SPAG16: variants seen among roughly 807,000 people sequenced by gnomAD.
The protein encoded by SPAG16 is sperm associated antigen 16, also known as sperm-associated antigen 16 protein.
In SPAG16, 86 loss-of-function variants were observed where a neutral mutation model predicts 80.4. The observed-to-expected ratio is 1.07, with a 90% confidence interval of 0.90 to 1.28. The LOEUF (loss-of-function observed/expected upper bound fraction) is 1.28, where lower values mean the gene tolerates loss of function less well. SPAG16 is among the 50% of genes most tolerant of loss of function. The probability of loss-of-function intolerance (pLI) is 0.00; values close to 1 mark genes in which losing one functional copy is unlikely to be tolerated. For synonymous variants in SPAG16, 294 were observed against 265.9 expected (o/e 1.11, Z -1.03); for missense variants, 870 against 765.3 (o/e 1.14, Z -1.61).
intron 9 of SPAG16, among the ~76,000 whole-genome samples, chr2:213,485,124 A>G (rs2073924075): frequency 6.6e-6 from 1 of 151,208 alleles, no homozygotes. Flanking sequence ...CCCCCCAAGT[A>G]GCTGGGAGTA....
In SPAG16 at chr2:214,129,840, T is replaced by A. The variant is rs190803333; in HGVS notation, c.1594-19300T>A. The stretch of plus-strand genomic sequence containing the variant: ...AAACTATAGACTATGAATGCATGAC[T>A]TATAAGGCTTTTTAGAGAAGCAAGG... On this transcript the variant is annotated intron_variant, in intron 14 of 15. Coordinates refer to ENST00000331683, the MANE Select transcript of SPAG16 (RefSeq NM_024532.5). Among the ~76,000 whole-genome samples the A allele has an allele frequency of 4.3e-4, 66 of 152,278 alleles. 2 individuals are homozygous for A. Among genetic ancestry groups the A allele is most frequent in the Admixed American group, 4.1e-3 (62 of 15,290 alleles).
chr2:214,384,549 C>A (rs1361639384), intron 15 of SPAG16, among the ~76,000 whole-genome samples: 2 of 152,172 alleles, frequency 1.3e-5, no homozygotes, highest in Non-Finnish European at 2.9e-5. Context: ...AGTATCTCTG[C>A]TTTCTTCCTC....
intron 12 of SPAG16, among the ~76,000 whole-genome samples, chr2:213,930,580 TG>T (rs2078706127): frequency 6.6e-6 from 1 of 152,206 alleles, no homozygotes; most frequent in South Asian, 2.1e-4. Flanking sequence ...TGTTATGTCG[TG>T]ATATTCTTGA....
intron 10 of SPAG16, among the ~76,000 whole-genome samples, chr2:213,838,523 T>C (rs1455617930): frequency 6.6e-6 from 1 of 152,214 alleles, no homozygotes; most frequent in African/African-American, 2.4e-5. Context: ...AATTGTAGCC[T>C]ATACCTCATT....
chr2:214,023,774 T>G (rs2048003079), intron 13 of SPAG16, among the ~76,000 whole-genome samples: 2 of 151,706 alleles, frequency 1.3e-5, no homozygotes, highest in African/African-American at 4.8e-5. Context: ...CATTCCTTTC[T>G]TCTTTTCCTT....
At chr2:214,062,226 C>A (rs941019040) in intron 13 of SPAG16, among the ~76,000 whole-genome samples, 1 of 151,820 alleles carries the variant, frequency 6.6e-6, no homozygotes, top group Non-Finnish European at 1.5e-5. Flanking sequence ...TCGAGACCAG[C>A]CTGGACAACA....
At chr2:214,271,887 A>G (rs1327013198) in intron 15 of SPAG16, among the ~76,000 whole-genome samples, 1 of 145,492 alleles carries the variant, frequency 6.9e-6, no homozygotes, top group African/African-American at 2.5e-5. Context: ...GAATAGCAGG[A>G]GTCTGTTTTT....
intron 10 of SPAG16, among the ~76,000 whole-genome samples, chr2:213,844,151 C>T (rs1356064753): frequency 2.0e-5 from 3 of 152,104 alleles, no homozygotes; most frequent in Non-Finnish European, 2.9e-5. Flanking sequence ...ACTCAGCTTG[C>T]GTAAAGGTTT....
intron 10 of SPAG16, among the ~76,000 whole-genome samples, chr2:213,712,655 G>T (rs1383713163): frequency 6.6e-6 from 1 of 152,016 alleles, no homozygotes; most frequent in African/African-American, 2.4e-5. Flanking sequence ...TCTCTCTAGG[G>T]AAGAAGAAAG....
intron 10 of SPAG16, among the ~76,000 whole-genome samples, chr2:213,642,926 C>T (rs953039009): frequency 2.0e-5 from 3 of 150,872 alleles, no homozygotes; most frequent in Non-Finnish European, 4.4e-5. Context: ...TCGAACTCCA[C>T]GTTCTTCAGT....
chr2:213,950,694 TTTTC>T (rs1369557745), intron 12 of SPAG16, among the ~76,000 whole-genome samples: 2 of 127,662 alleles, frequency 1.6e-5, no homozygotes, highest in Non-Finnish European at 3.3e-5. Flanking sequence ...CTCTTTTCTT[TTTTC>T]TTTCTTTTTT....
At chr2:213,573,893 T>TG (rs1161652659) in intron 10 of SPAG16, among the ~76,000 whole-genome samples, 1 of 152,178 alleles carries the variant, frequency 6.6e-6, no homozygotes, top group Non-Finnish European at 1.5e-5. Context: ...TAAACCAGTG[T>TG]GAATCAGACT....
chr2:213,492,424 C>G (rs1205222699), intron 10 of SPAG16, among the ~76,000 whole-genome samples: 1 of 151,976 alleles, frequency 6.6e-6, no homozygotes, highest in Admixed American at 6.6e-5. Context: ...GTGGTGGGCG[C>G]CTGTAGTCCC....
intron 9 of SPAG16, among the ~76,000 whole-genome samples, chr2:213,411,903 GA>G (rs892874251): frequency 4.7e-5 from 7 of 148,282 alleles, no homozygotes; most frequent in South Asian, 2.1e-4. Flanking sequence ...AAAAAAAAAA[GA>G]AAAAAAGGTT....
intron 14 of SPAG16, among the ~76,000 whole-genome samples, chr2:214,144,943 T>C (rs2055563490): frequency 6.6e-6 from 1 of 152,014 alleles, no homozygotes; most frequent in Non-Finnish European, 1.5e-5. Flanking sequence ...CATAGGGACT[T>C]TCATAGAAAA....
chr2:213,451,151 G>A (rs528613698), intron 9 of SPAG16, among the ~76,000 whole-genome samples: 61 of 152,124 alleles, frequency 4.0e-4, no homozygotes, highest in African/African-American at 1.3e-3. Context: ...ACTTTCATGA[G>A]TATTATCTCA....
chr2:213,567,165 CTTTTTTT>C (rs531916197), intron 10 of SPAG16, among the ~76,000 whole-genome samples: 23 of 94,906 alleles, frequency 2.4e-4, no homozygotes, highest in Non-Finnish European at 3.7e-4. Context: ...AACACAGATT[CTTTTTTT>C]TTTTTTTTTT....
chr2:213,394,694 A>G (rs1051246820), intron 9 of SPAG16, among the ~76,000 whole-genome samples: 1 of 152,150 alleles, frequency 6.6e-6, no homozygotes, highest in Non-Finnish European at 1.5e-5. Context: ...ATTATATAAT[A>G]TTTAACTTTT....
At chr2:213,363,951 G>A (rs1490609269) in intron 7 of SPAG16, 125 bp from the exon 8 acceptor site, 7 of 340,010 alleles carry the variant, frequency 2.1e-5, no homozygotes, top group Non-Finnish European at 3.2e-5. Flanking sequence ...ATTAAAAAAG[G>A]TATAAATTTA....
Sources: gnomAD v4.1 joint callset for allele counts (sites outside exome capture counted in the v4.1 genomes callset) on GRCh38, gnomAD v4.1.1 for gene constraint, MANE v1.5 for transcripts, NCBI Gene and HGNC (gene_info 2026-07-23, HGNC 2026-07-21) for gene names.